CADM2: variants seen among roughly 807,000 people sequenced by gnomAD.
The protein encoded by CADM2 is cell adhesion molecule 2.
Under a neutral mutation model 49.8 loss-of-function variants are expected in CADM2, and 12 were observed. The ratio of observed to expected loss-of-function variants is 0.24; its 90% CI spans 0.15 to 0.39. CADM2 has a LOEUF of 0.39. Among genes scored for constraint, CADM2 ranks in the 10% least tolerant of loss-of-function variants. The pLI is 1.00. For missense variants in CADM2, 378 were observed against 492.3 expected (o/e 0.77, Z 2.20); for synonymous variants, 214 against 175.4 (o/e 1.22, Z -1.74).
At chr3:85,839,405 C>G (rs568465853) in intron 3 of CADM2, among the ~76,000 whole-genome samples, 2 of 151,946 alleles carry the variant, frequency 1.3e-5, no homozygotes, top group South Asian at 2.1e-4. Context: ...ATATTTTCCT[C>G]TGTACTTAGA....
chr3:85,854,604 G>C (rs1475181896), intron 3 of CADM2, among the ~76,000 whole-genome samples: 2 of 152,038 alleles, frequency 1.3e-5, no homozygotes, highest in Non-Finnish European at 2.9e-5. Context: ...ACATGGAGGG[G>C]AACATCACAC....
chr3:85,901,944 T>C (rs568760018), intron 5 of CADM2, among the ~76,000 whole-genome samples: 7 of 152,350 alleles, frequency 4.6e-5, no homozygotes, highest in Admixed American at 1.3e-4. Flanking sequence ...ATCTGTGTTG[T>C]AGCATATATC....
At chr3:85,341,020 C>T (rs540880827) in intron 1 of CADM2, among the ~76,000 whole-genome samples, 34 of 151,702 alleles carry the variant, frequency 2.2e-4, no homozygotes, top group Non-Finnish European at 4.6e-4. Flanking sequence ...AAATCTTAGT[C>T]ACTGTGTTGC....
rs116042934 is a variant in CADM2, at chr3:85,085,949, A to G, written c.61+126281A>G. On this transcript the variant is annotated intron_variant, in intron 1 of 9. Coordinates refer to ENST00000383699, the MANE Select transcript of CADM2 (RefSeq NM_001167675.2). Reference sequence around the variant, plus strand: ...AGGGTGAGCACAGTGATTGCAAACAAGAGTTAAAACTGCACATCGTCATAA... The same window carrying G: ...AGGGTGAGCACAGTGATTGCAAACAGGAGTTAAAACTGCACATCGTCATAA... Among the ~76,000 whole-genome samples the G allele has an allele frequency of 4.2e-3, 636 of 152,266 alleles. 3 individuals are homozygous for G. The highest frequency in any genetic ancestry group is 0.015 in the African/African-American group (614 of 41,564).
intron 1 of CADM2, among the ~76,000 whole-genome samples, chr3:85,048,139 A>G (rs1232669871): frequency 6.6e-6 from 1 of 152,086 alleles, no homozygotes; most frequent in Non-Finnish European, 1.5e-5. Context: ...AAGTGCCAAG[A>G]CGATGTATGG....
At chr3:85,996,729 A>G (rs534777299) in intron 8 of CADM2, among the ~76,000 whole-genome samples, 1 of 152,318 alleles carries the variant, frequency 6.6e-6, no homozygotes, top group African/African-American at 2.4e-5. Flanking sequence ...GATGTATATT[A>G]TACATTATTT....
chr3:85,969,934 C>T (rs1467462560), intron 8 of CADM2, among the ~76,000 whole-genome samples: 3 of 148,042 alleles, frequency 2.0e-5, no homozygotes, highest in Non-Finnish European at 4.5e-5. Context: ...CACACATATA[C>T]GAATATACAG....
chr3:85,577,808 A>G (rs1215441653), intron 1 of CADM2, among the ~76,000 whole-genome samples: 1 of 151,992 alleles, frequency 6.6e-6, no homozygotes, highest in Non-Finnish European at 1.5e-5. Flanking sequence ...CCCTATAACT[A>G]TTATTTTATA....
At position 85,836,101 on chromosome 3, in the gene CADM2, T is replaced by A. The variant is rs978653371; in HGVS notation, c.238+33905T>A. On this transcript the variant is annotated intron_variant, in intron 3 of 9. Coordinates refer to ENST00000383699, the MANE Select transcript of CADM2 (RefSeq NM_001167675.2). ...GCCAAATGGAATAAAAATGATGTTA[T>A]TGACTTGTAACAAAGGGACTAAAGC... Among the ~76,000 whole-genome samples the A allele has an allele frequency of 4.0e-5, 6 of 151,574 alleles. No individual in the cohort carries two copies. In the Admixed American group the frequency reaches 4.0e-4, roughly 10 times the overall value.
At chr3:85,944,014 T>C (rs1379764725) in intron 7 of CADM2, among the ~76,000 whole-genome samples, 1 of 152,006 alleles carries the variant, frequency 6.6e-6, no homozygotes. Flanking sequence ...CAGTGTGCTG[T>C]ATTCAGGAAA....
At chr3:85,595,491 C>T (rs140288574) in intron 1 of CADM2, among the ~76,000 whole-genome samples, 6 of 152,070 alleles carry the variant, frequency 3.9e-5, no homozygotes, top group East Asian at 3.9e-4. Flanking sequence ...GGTATTTGGA[C>T]GAGTAGCTCC....
chr3:85,753,103 T>G (rs1423328483), intron 2 of CADM2, among the ~76,000 whole-genome samples: 1 of 152,152 alleles, frequency 6.6e-6, no homozygotes, highest in Non-Finnish European at 1.5e-5. Context: ...ACAGAATTTG[T>G]TAAAAAAAGA....
At chr3:85,435,342 T>G (rs1338658649) in intron 1 of CADM2, among the ~76,000 whole-genome samples, 3 of 152,288 alleles carry the variant, frequency 2.0e-5, no homozygotes, top group South Asian at 4.1e-4. Flanking sequence ...GCAAACAACA[T>G]GGACTCATCC....
At position 85,958,587 on chromosome 3, in the gene CADM2, A is replaced by G. The variant is rs185553222; in HGVS notation, c.792-2882A>G. On this transcript the variant is annotated intron_variant, in intron 7 of 9. Transcript: ENST00000383699. The stretch of plus-strand genomic sequence containing the variant: ...GAATATAAATCATTCTAATGTAAAG[A>G]CACATGCACACATACGTTTATTGCA... Among the ~76,000 whole-genome samples the G allele has an allele frequency of 3.1e-3, 475 of 152,102 alleles. 1 individual carries two copies. Among genetic ancestry groups the G allele is most frequent in the Non-Finnish European group, 5.0e-3 (341 of 67,960 alleles).
At chr3:85,560,282 G>A (rs541098652) in intron 1 of CADM2, among the ~76,000 whole-genome samples, 2 of 152,274 alleles carry the variant, frequency 1.3e-5, no homozygotes, top group Non-Finnish European at 2.9e-5. Flanking sequence ...GACCTGCAAG[G>A]TCACTGGTGC....
At chr3:85,920,132 T>C (rs532498472) in intron 6 of CADM2, among the ~76,000 whole-genome samples, 58 of 151,992 alleles carry the variant, frequency 3.8e-4, no homozygotes, top group African/African-American at 1.4e-3. Flanking sequence ...ACATATTATA[T>C]ATTAAGTGTT....
At chr3:85,823,244 T>C (rs964993822) in intron 3 of CADM2, among the ~76,000 whole-genome samples, 25 of 152,206 alleles carry the variant, frequency 1.6e-4, no homozygotes, top group East Asian at 1.9e-4. Context: ...TTGTATTTAA[T>C]GAATTAGCTT....
chr3:84,994,343 G>A (rs1475943318), intron 1 of CADM2, among the ~76,000 whole-genome samples: 1 of 152,084 alleles, frequency 6.6e-6, no homozygotes, highest in Non-Finnish European at 1.5e-5. Context: ...AGTTTAATTA[G>A]CTATGGTTTT....
intron 1 of CADM2, among the ~76,000 whole-genome samples, chr3:85,295,539 C>G (rs2043935895): frequency 6.6e-6 from 1 of 151,976 alleles, no homozygotes; most frequent in African/African-American, 2.4e-5. Flanking sequence ...TTGGAACCAA[C>G]CCAAATATCC....
Sources: allele counts gnomAD v4.1 joint callset (sites outside exome capture counted in the v4.1 genomes callset), GRCh38; gene constraint gnomAD v4.1.1; transcripts MANE v1.5; gene names NCBI Gene and HGNC (gene_info 2026-07-23, HGNC 2026-07-21).